Variants in MECOM observed in about 807,000 individuals in gnomAD.
The protein encoded by MECOM is histone-lysine N-methyltransferase MECOM.
A neutral mutation model predicts 116.3 loss-of-function variants in MECOM; 13 were observed. The observed-to-expected ratio is 0.11, with a 90% CI of 0.07 to 0.18. MECOM has a LOEUF of 0.18. Among genes scored for constraint, MECOM ranks in the 10% least tolerant of loss-of-function variants. MECOM has a pLI of 1.00. For synonymous variants in MECOM, 528 were observed against 535.2 expected (o/e 0.99, Z 0.19); for missense variants, 1,299 against 1,509.0 (o/e 0.86, Z 2.31).
At chr3:169,533,591 T>TTTTTTTTTTTTTTTC (rs55667588) in intron 1 of MECOM, among the ~76,000 whole-genome samples, 1 of 132,238 alleles carries the variant, frequency 7.6e-6, no homozygotes, top group African/African-American at 2.9e-5. Context: ...TTTTTTTTTT[T>TTTTTTTTTTTTTTTC]ATTTCCTTAT....
intron 2 of MECOM, among the ~76,000 whole-genome samples, chr3:169,288,143 A>G (rs1450808021): frequency 2.0e-5 from 3 of 152,120 alleles, no homozygotes; most frequent in Non-Finnish European, 4.4e-5. Flanking sequence ...CAAATGAACC[A>G]TTATGGAAAA....
At position 169,275,567 on chromosome 3, in the gene MECOM, G is replaced by A. The variant is rs570881298; in HGVS notation, c.375+105620C>T. Among the ~76,000 whole-genome samples, 11 of 152,222 alleles carry A rather than the reference G, an allele frequency of 7.2e-5. No individual in the cohort carries two copies. In the East Asian group the frequency reaches 9.6e-4, roughly 13 times the overall value. ...AAATATCTTAGTTTTCTAATGATAC[G>A]CAAATGGCAATTTAAAATACACTAT... On this transcript the variant is annotated intron_variant, in intron 2 of 16. Transcript: ENST00000651503.
chr3:169,410,746 G>A (rs116479311), intron 1 of MECOM, among the ~76,000 whole-genome samples: 452 of 151,966 alleles, frequency 3.0e-3, no homozygotes, highest in Non-Finnish European at 4.8e-3. Context: ...AAACACAGCC[G>A]CCCTTTTCCT....
At chr3:169,244,707 G>A (rs1755360301) in intron 2 of MECOM, among the ~76,000 whole-genome samples, 1 of 152,134 alleles carries the variant, frequency 6.6e-6, no homozygotes, top group African/African-American at 2.4e-5. Context: ...AAACCCAGAG[G>A]CGTGTACTAA....
At chr3:169,340,665 T>C (rs968178028) in intron 2 of MECOM, among the ~76,000 whole-genome samples, 17 of 152,184 alleles carry the variant, frequency 1.1e-4, no homozygotes, top group African/African-American at 3.9e-4. Flanking sequence ...GCACCAGATA[T>C]AGCTTTCTAC....
At chr3:169,269,129 G>C (rs999726542) in intron 2 of MECOM, 1 of 151,914 alleles carries the variant, frequency 6.6e-6, no homozygotes, top group Non-Finnish European at 1.5e-5. Flanking sequence ...ATTTCCATGT[G>C]TTTACCTTCG....
chr3:169,283,459 T>C (rs1395460542), intron 2 of MECOM, among the ~76,000 whole-genome samples: 1 of 152,044 alleles, frequency 6.6e-6, no homozygotes, highest in Admixed American at 6.6e-5. Context: ...AAAAAATAGC[T>C]TGCTTGCCAG....
chr3:169,109,907 C>G (rs1423524670), intron 9 of MECOM, among the ~76,000 whole-genome samples: 2 of 152,060 alleles, frequency 1.3e-5, no homozygotes, highest in East Asian at 3.9e-4. Context: ...ATTGTAAAAC[C>G]AGACTTGCCC....
intron 1 of MECOM, among the ~76,000 whole-genome samples, chr3:169,661,795 G>T (rs902725461): frequency 2.6e-5 from 4 of 152,162 alleles, no homozygotes; most frequent in African/African-American, 9.7e-5. Context: ...CGAGGGTCGC[G>T]CGGGGGGAGA....
intron 2 of MECOM, among the ~76,000 whole-genome samples, chr3:169,317,626 C>A (rs750874511): frequency 6.6e-6 from 1 of 152,210 alleles, no homozygotes; most frequent in Admixed American, 6.5e-5. Context: ...ATAGCAACAG[C>A]TACTTCCCTT....
At chr3:169,098,035 A>G (rs1395781937) in intron 12 of MECOM, among the ~76,000 whole-genome samples, 1 of 151,936 alleles carries the variant, frequency 6.6e-6, no homozygotes, top group African/African-American at 2.4e-5. Flanking sequence ...ACTTTTTTTA[A>G]TTTTTTCTTT....
intron 4 of MECOM, 142 bp downstream of exon 4, chr3:169,131,287 C>T (rs1324487235): frequency 2.8e-6 from 2 of 707,092 alleles, no homozygotes; most frequent in Non-Finnish European, 4.9e-6. Context: ...AAGAAAATAG[C>T]TGCTTCAAGA....
At chr3:169,490,792 A>C (rs1020450831) in intron 1 of MECOM, among the ~76,000 whole-genome samples, 1 of 152,240 alleles carries the variant, frequency 6.6e-6, no homozygotes, top group Non-Finnish European at 1.5e-5. Flanking sequence ...TTTCTTTTGC[A>C]AAAGAGAGTT....
chr3:169,366,855 C>T (rs1183712578), intron 2 of MECOM, among the ~76,000 whole-genome samples: 5 of 152,050 alleles, frequency 3.3e-5, no homozygotes, highest in Non-Finnish European at 5.9e-5. Flanking sequence ...AAGCATCCAT[C>T]TCCCATGGGT....
chr3:169,340,290 C>T (rs1184143177), intron 2 of MECOM, among the ~76,000 whole-genome samples: 2 of 152,060 alleles, frequency 1.3e-5, no homozygotes, highest in Non-Finnish European at 2.9e-5. Flanking sequence ...TACGGGTTGC[C>T]GCTACTGATC....
At chr3:169,104,945 G>C (rs2148980203) in intron 10 of MECOM, among the ~76,000 whole-genome samples, 2 of 152,138 alleles carry the variant, frequency 1.3e-5, no homozygotes, top group Middle Eastern at 6.8e-3. Context: ...AAAGGTAATA[G>C]GAAAAAGAAT....
At chr3:169,125,222 C>G (rs1451068795) in intron 5 of MECOM, among the ~76,000 whole-genome samples, 3 of 152,000 alleles carry the variant, frequency 2.0e-5, no homozygotes, top group African/African-American at 7.2e-5. Context: ...ATGTAATCCT[C>G]TGTTTGTTAC....
intron 9 of MECOM, among the ~76,000 whole-genome samples, chr3:169,109,751 G>T (rs553453107): frequency 2.0e-5 from 3 of 152,144 alleles, no homozygotes; most frequent in East Asian, 1.9e-4. Context: ...TTTAAAATAC[G>T]TATTATTCCA....
intron 2 of MECOM, among the ~76,000 whole-genome samples, chr3:169,240,061 C>G (rs142656550): frequency 2.6e-5 from 4 of 152,080 alleles, no homozygotes; most frequent in Non-Finnish European, 4.4e-5. Flanking sequence ...TTTCAATAAC[C>G]AAATAAACTT....
Sources: allele counts gnomAD v4.1 joint callset (sites outside exome capture counted in the v4.1 genomes callset), GRCh38; gene constraint gnomAD v4.1.1; transcripts MANE v1.5; gene names NCBI Gene and HGNC (gene_info 2026-07-23, HGNC 2026-07-21).